Variants in GUCY1A2 observed in about 807,000 individuals in gnomAD.
GUCY1A2 encodes guanylate cyclase soluble subunit alpha-2.
A neutral mutation model predicts 63.5 loss-of-function variants in GUCY1A2; 27 were observed. The observed-to-expected ratio is 0.43, with a 90% CI of 0.31 to 0.59. The LOEUF (loss-of-function observed/expected upper bound fraction) is 0.59. Ranked by LOEUF, GUCY1A2 falls within the 20% of genes least tolerant of loss-of-function variation. The probability of loss-of-function intolerance (pLI) is 0.11; values close to 1 mark genes in which losing one functional copy is unlikely to be tolerated. For synonymous variants in GUCY1A2, 364 were observed against 343.5 expected (o/e 1.06, Z -0.66); for missense variants, 768 against 913.3 (o/e 0.84, Z 2.05).
chr11:106,846,844 T>C (rs1295151473), intron 4 of GUCY1A2, among the ~76,000 whole-genome samples: 1 of 151,502 alleles, frequency 6.6e-6, no homozygotes, highest in Non-Finnish European at 1.5e-5. Flanking sequence ...AATTCAATAG[T>C]AAGGTAGAAA....
intron 4 of GUCY1A2, among the ~76,000 whole-genome samples, chr11:106,896,914 T>A (rs748780316): frequency 1.5e-4 from 23 of 152,142 alleles, no homozygotes; most frequent in Non-Finnish European, 2.5e-4. Flanking sequence ...TAAAACTGTC[T>A]CTGTTCAGAG....
rs561380691 is a variant in GUCY1A2 at position 106,898,092 on chromosome 11, A to G, written c.1206+41368T>C. ...ACAGATGTCAAATAACTATAGGAAT[A>G]TATGTTCCACATCATATGGCATCAG... On this transcript the variant is annotated intron_variant, in intron 4 of 7. Transcript: ENST00000526355. 1.8e-3 allele frequency among the ~76,000 whole-genome samples: 274 copies of G among 152,352 alleles called. No homozygotes were observed. In the Middle Eastern group the frequency reaches 0.02, roughly 11 times the overall value.
At position 106,824,945 on chromosome 11, in the gene GUCY1A2, C is replaced by T. The variant is rs1858947473; in HGVS notation, c.1207-14467G>A. On this transcript the variant is annotated intron_variant, in intron 4 of 7. Coordinates refer to ENST00000526355, the MANE Select transcript of GUCY1A2 (RefSeq NM_000855.3). ...ATACAGGAGCTAAGAAAAGAAAAAT[C>T]GATGATGCCTGACATGAATGTTACT... The T allele has an allele frequency of 1.3e-5, 21 of 1,613,112 alleles. 1 individual carries two copies. Among genetic ancestry groups the T allele is most frequent in the South Asian group, 1.1e-4 (10 of 90,954 alleles).
intron 5 of GUCY1A2, among the ~76,000 whole-genome samples, chr11:106,795,618 T>A (rs1030994655): frequency 7.3e-6 from 1 of 137,326 alleles, no homozygotes; most frequent in Non-Finnish European, 1.5e-5. Flanking sequence ...TTCAACTGAT[T>A]TATCTTTTTC....
At chr11:106,751,144 A>G (rs1450558515) in intron 6 of GUCY1A2, among the ~76,000 whole-genome samples, 2 of 152,050 alleles carry the variant, frequency 1.3e-5, no homozygotes, top group Non-Finnish European at 2.9e-5. Context: ...TATTTTTTCT[A>G]CTTTTCACTG....
At chr11:106,851,641 T>C (rs923565255) in intron 4 of GUCY1A2, among the ~76,000 whole-genome samples, 5 of 152,026 alleles carry the variant, frequency 3.3e-5, no homozygotes, top group African/African-American at 1.2e-4. Flanking sequence ...GGATACTTTA[T>C]TGAAAGTCAG....
At chr11:106,749,805 G>A (rs968722003) in intron 6 of GUCY1A2, among the ~76,000 whole-genome samples, 4 of 151,992 alleles carry the variant, frequency 2.6e-5, no homozygotes, top group Non-Finnish European at 5.9e-5. Context: ...CTCCTTCCAA[G>A]TAAACTACCT....
At chr11:106,868,342 T>C (rs1326666788) in intron 4 of GUCY1A2, among the ~76,000 whole-genome samples, 3 of 151,922 alleles carry the variant, frequency 2.0e-5, no homozygotes, top group East Asian at 3.9e-4. Flanking sequence ...GACTTGATTG[T>C]ATATCTGGAA....
chr11:106,987,183 C>T (rs185450179), intron 1 of GUCY1A2, among the ~76,000 whole-genome samples: 2 of 152,292 alleles, frequency 1.3e-5, no homozygotes, highest in Admixed American at 6.5e-5. Flanking sequence ...TTGGGGAATA[C>T]GAATGTAATA....
chr11:106,707,217 T>C (rs1187198846), intron 7 of GUCY1A2, among the ~76,000 whole-genome samples: 1 of 152,126 alleles, frequency 6.6e-6, no homozygotes, highest in African/African-American at 2.4e-5. Flanking sequence ...GTTTTCTTTC[T>C]CATCTATTTT....
intron 6 of GUCY1A2, among the ~76,000 whole-genome samples, chr11:106,739,096 A>C (rs2200658): frequency 0.51 from 77,074 of 151,916 alleles, 21,145 homozygotes; most frequent in East Asian, 0.73. Context: ...TCTCCCTGAA[A>C]AGGTCCTTCA....
At chr11:106,962,639 TAGAC>T (rs1438354161) in intron 3 of GUCY1A2, among the ~76,000 whole-genome samples, 1 of 151,618 alleles carries the variant, frequency 6.6e-6, no homozygotes, top group Non-Finnish European at 1.5e-5. Flanking sequence ...TTAAATCACA[TAGAC>T]AGAATACCTG....
chr11:106,705,783 C>T (rs1862898711), intron 7 of GUCY1A2, among the ~76,000 whole-genome samples: 1 of 152,068 alleles, frequency 6.6e-6, no homozygotes, highest in Admixed American at 6.6e-5. Context: ...TCCCTTGAAC[C>T]CGGGAGGCGG....
At chr11:106,791,977 TG>T (rs1218006653) in intron 5 of GUCY1A2, among the ~76,000 whole-genome samples, 2 of 151,960 alleles carry the variant, frequency 1.3e-5, no homozygotes, top group African/African-American at 2.4e-5. Flanking sequence ...TACCAAAACC[TG>T]GCAGAGATAC....
chr11:106,793,159 G>C (rs1864692654), intron 5 of GUCY1A2, among the ~76,000 whole-genome samples: 1 of 152,122 alleles, frequency 6.6e-6, no homozygotes, highest in South Asian at 2.1e-4. Flanking sequence ...TATGGTGATT[G>C]CATATAAACA....
At chr11:106,694,642 C>T (rs1862684910) in intron 7 of GUCY1A2, among the ~76,000 whole-genome samples, 1 of 152,194 alleles carries the variant, frequency 6.6e-6, no homozygotes, top group Non-Finnish European at 1.5e-5. Context: ...GTTAGTCTAA[C>T]ATCTAACTTC....
chr11:106,892,641 C>G (rs1436709202), intron 4 of GUCY1A2, among the ~76,000 whole-genome samples: 1 of 149,808 alleles, frequency 6.7e-6, no homozygotes, highest in Non-Finnish European at 1.5e-5. Context: ...AAAGAATGTT[C>G]CAAAAAATAG....
chr11:106,761,774 A>G (rs1030895023), intron 6 of GUCY1A2, among the ~76,000 whole-genome samples: 3 of 152,132 alleles, frequency 2.0e-5, no homozygotes, highest in African/African-American at 4.8e-5. Context: ...TAAACTGTAT[A>G]TTTTTAAAAT....
At chr11:106,843,042 ATTTATT>A (rs1420850090) in intron 4 of GUCY1A2, among the ~76,000 whole-genome samples, 11 of 152,000 alleles carry the variant, frequency 7.2e-5, no homozygotes, top group African/African-American at 2.6e-4. Context: ...AAAAGGTTCT[ATTTATT>A]TATTTTTAAA....
Sources: allele counts gnomAD v4.1 joint callset (sites outside exome capture counted in the v4.1 genomes callset), GRCh38; gene constraint gnomAD v4.1.1; transcripts MANE v1.5; gene names NCBI Gene and HGNC (gene_info 2026-07-23, HGNC 2026-07-21).